The following DPP6 variants were observed in gnomAD, a reference collection of about 807,000 sequenced individuals.
DPP6 encodes the protein dipeptidyl peptidase like 6.
DPP6 carries 69 observed loss-of-function variants against 122.6 expected under a neutral mutation model. The observed-to-expected ratio is 0.56, with a 90% CI of 0.46 to 0.69. The LOEUF (loss-of-function observed/expected upper bound fraction) is 0.69. Among genes scored for constraint, DPP6 ranks in the 30% least tolerant of loss-of-function variants. DPP6 has a pLI of 0.00. For synonymous variants in DPP6, 418 were observed against 433.1 expected, an observed-to-expected ratio of 0.97 and a Z score of 0.43; for missense variants, 928 against 1,116.9, an observed-to-expected ratio of 0.83 and a Z score of 2.41.
chr7:153,924,027 C>T (rs1196735294), intron 1 of DPP6, among the ~76,000 whole-genome samples: 2 of 152,136 alleles, frequency 1.3e-5, no homozygotes, highest in Non-Finnish European at 2.9e-5. Context: ...CAGTCATTTT[C>T]TAGCTGGGTA....
upstream of DPP6, among the ~76,000 whole-genome samples, chr7:153,882,326 T>C (rs1477268670): frequency 6.6e-6 from 1 of 151,728 alleles, no homozygotes; most frequent in Non-Finnish European, 1.5e-5. Flanking sequence ...TGTAAAAGAA[T>C]AGTTTTAGTC....
intron 17 of DPP6, among the ~76,000 whole-genome samples, chr7:154,867,012 T>C (rs1467092049): frequency 1.3e-5 from 2 of 150,790 alleles, no homozygotes; most frequent in East Asian, 2.0e-4. Flanking sequence ...GGGAGTTATA[T>C]GGGAGGATGA....
rs532674655 is a variant in DPP6, at chr7:154,816,414, A to G, written c.1666+9302A>G. Among the ~76,000 whole-genome samples the G allele has an allele frequency of 2.0e-5, 3 of 152,286 alleles. No individual in the cohort carries two copies. In the East Asian group the frequency reaches 5.8e-4, roughly 29 times the overall value. ...TTTATAATTAGGTATGTAGGCACAG[A>G]AAAAACATTATATATATGGGGTTCA... On this transcript the variant is annotated intron_variant, in intron 16 of 25. Transcript: ENST00000377770.
chr7:153,867,285 T>C, the DPP6 span, among the ~76,000 whole-genome samples: 3 of 152,222 alleles, frequency 2.0e-5, no homozygotes, highest in African/African-American at 7.2e-5. Flanking sequence ...CCCATGAGCG[T>C]GGAATGTTCT....
chr7:154,795,332 T>G (rs1797978336), intron 11 of DPP6, among the ~76,000 whole-genome samples: 1 of 152,270 alleles, frequency 6.6e-6, no homozygotes, highest in Non-Finnish European at 1.5e-5. Context: ...AGTTTTGTTT[T>G]TCTTTTGTTT....
intron 7 of DPP6, among the ~76,000 whole-genome samples, chr7:154,726,616 G>C (rs1842078554): frequency 6.6e-6 from 1 of 152,202 alleles, no homozygotes; most frequent in African/African-American, 2.4e-5. Context: ...GGGAGGGGCT[G>C]CCTCAAAGTT....
Position 154,772,920 on chromosome 7 carries a change from C to T in DPP6, c.1114C>T (p.Pro372Ser). The stretch of plus-strand genomic sequence containing the variant: ...ACCCACCCATGATCTGGAGATGATG[C>T]CGCCTGATGATCCACGGATGAGGTT... ...NGPTHDLEMM[P>S]PDDPRMREYY... Residue 372 changes from proline to serine, a missense_variant, in exon 10 of 26, where the codon CCG (proline) becomes TCG (serine). By Grantham distance (74) the Pro-to-Ser change is moderately conservative. Transcript: ENST00000377770. The T allele has an allele frequency of 1.9e-6, 3 of 1,609,408 alleles. No homozygotes were observed. Among genetic ancestry groups the T allele is most frequent in the Non-Finnish European group, 2.5e-6 (3 of 1,178,020 alleles).
chr7:154,508,349 G>A (rs1248774945), intron 3 of DPP6, among the ~76,000 whole-genome samples: 1 of 152,122 alleles, frequency 6.6e-6, no homozygotes, highest in African/African-American at 2.4e-5. Flanking sequence ...GTTCCTCCAT[G>A]GAGTCCTTCA....
At chr7:154,669,972 G>T (rs2131106162) in intron 7 of DPP6, among the ~76,000 whole-genome samples, 1 of 152,210 alleles carries the variant, frequency 6.6e-6, no homozygotes, top group African/African-American at 2.4e-5. Flanking sequence ...CGATTCTCCT[G>T]CCTCAGCCTC....
chr7:154,663,121 A>G (rs77401569), intron 6 of DPP6, among the ~76,000 whole-genome samples: 8,950 of 54,650 alleles, frequency 0.16, 2,776 homozygotes, highest in Non-Finnish European at 0.3. Context: ...TCACCATGGC[A>G]TATTGGCCGT....
At chr7:153,940,519 T>C (rs142110153) in intron 1 of DPP6, among the ~76,000 whole-genome samples, 38 of 152,156 alleles carry the variant, frequency 2.5e-4, no homozygotes, top group African/African-American at 8.9e-4. Context: ...CTAGGGGAAC[T>C]AAGGTCCCAG....
intron 5 of DPP6, among the ~76,000 whole-genome samples, chr7:154,569,838 CAAAT>C (rs1220911018): frequency 1.3e-5 from 2 of 151,762 alleles, no homozygotes; most frequent in African/African-American, 4.9e-5. Context: ...ACTTGGAAGT[CAAAT>C]AATCATAGGT....
chr7:154,557,705 C>T (rs1032929034), intron 4 of DPP6, among the ~76,000 whole-genome samples: 3 of 151,914 alleles, frequency 2.0e-5, no homozygotes, highest in African/African-American at 7.3e-5. Flanking sequence ...CTGTGATCCC[C>T]GAGAAAAGAA....
intron 1 of DPP6, among the ~76,000 whole-genome samples, chr7:153,989,411 T>C (rs970109486): frequency 1.3e-5 from 2 of 151,166 alleles, no homozygotes; most frequent in Admixed American, 1.3e-4. Context: ...CACACACGTG[T>C]GCACACAGGG....
chr7:154,670,281 T>A (rs886681167), intron 7 of DPP6, among the ~76,000 whole-genome samples: 1 of 152,210 alleles, frequency 6.6e-6, no homozygotes, highest in Admixed American at 6.5e-5. Flanking sequence ...GCTATCTTCA[T>A]GGATTCCTTC....
At chr7:154,803,649 G>A (rs75783866) in intron 13 of DPP6, among the ~76,000 whole-genome samples, 2,994 of 152,266 alleles carry the variant, frequency 0.02, 97 homozygotes, top group African/African-American at 0.068. Context: ...ACTGACATTC[G>A]GGGGTCGGGG....
chr7:154,235,943 C>T lies in DPP6; in HGVS notation c.243+182880C>T, dbSNP rs137922250. Among the ~76,000 whole-genome samples, 1,095 of 152,256 alleles carry T rather than the reference C, an allele frequency of 7.2e-3. 19 individuals are homozygous for T. The highest frequency in any genetic ancestry group is 0.025 in the African/African-American group (1,024 of 41,518). On this transcript the variant is annotated intron_variant, in intron 1 of 25. Transcript: ENST00000377770. ...TCTTGGCTCACTACAGCCTCTGTCT[C>T]CCGGGTTTAAGAGATTCTCTTGCCT...
At chr7:154,806,506 C>T (rs1233634769) in intron 15 of DPP6, among the ~76,000 whole-genome samples, 5 of 152,220 alleles carry the variant, frequency 3.3e-5, no homozygotes, top group African/African-American at 1.2e-4. Flanking sequence ...CTTTTGGAAG[C>T]TGCCAGAGTT....
intron 1 of DPP6, among the ~76,000 whole-genome samples, chr7:154,195,926 G>T (rs993312615): frequency 2.6e-5 from 4 of 152,152 alleles, no homozygotes; most frequent in Non-Finnish European, 4.4e-5. Context: ...TGTGAGGGAT[G>T]TGGCTTTTCC....
Sources: gnomAD v4.1 joint callset for allele counts (sites outside exome capture counted in the v4.1 genomes callset) on GRCh38, gnomAD v4.1.1 for gene constraint, MANE v1.5 for transcripts, NCBI Gene and HGNC (gene_info 2026-07-23, HGNC 2026-07-21) for gene names.